MID1: variants seen among roughly 807,000 people sequenced by gnomAD.
MID1 encodes E3 ubiquitin-protein ligase Midline-1.
MID1 carries 7 observed loss-of-function variants against 40.4 expected under a neutral mutation model. That is an observed-to-expected ratio of 0.17 (90% CI 0.10 to 0.33). The LOEUF is 0.33. MID1 is among the 10% of genes least tolerant of loss of function. The pLI is 1.00. For synonymous variants in MID1, 229 were observed against 221.2 expected, an observed-to-expected ratio of 1.04 and a Z score of -0.31; for missense variants, 367 against 558.5, an observed-to-expected ratio of 0.66 and a Z score of 3.46.
chrX:10,734,236 G>A (rs769767077), intron 1 of MID1, among the ~76,000 whole-genome samples: 29 of 111,815 alleles, frequency 2.6e-4, no homozygotes, highest in African/African-American at 9.1e-4. Flanking sequence ...TGTATTTTGC[G>A]GGAACATGGA....
intron 2 of MID1, among the ~76,000 whole-genome samples, chrX:10,559,888 T>C (rs1225868604): frequency 9.2e-6 from 1 of 109,008 alleles, no homozygotes; most frequent in Non-Finnish European, 1.9e-5. Flanking sequence ...GTGGGTTTTT[T>C]TTTTTTTCTT....
chrX:10,493,717 AGAT>A (rs1290513064), intron 4 of MID1, among the ~76,000 whole-genome samples: 1 of 112,403 alleles, frequency 8.9e-6, no homozygotes, highest in African/African-American at 3.2e-5. Context: ...AAAGGCTTTG[AGAT>A]GATGGATATG....
At chrX:10,660,946 G>C (rs1454280550) in intron 1 of MID1, among the ~76,000 whole-genome samples, 1 of 111,525 alleles carries the variant, frequency 9.0e-6, no homozygotes, top group Admixed American at 9.6e-5. Flanking sequence ...TTTTGAAGTG[G>C]AGCTTATTAG....
chrX:10,567,629 T>C (rs1934605847), intron 1 of MID1, 26 bp from the exon 2 acceptor site: 1 of 1,108,578 alleles, frequency 9.0e-7, no homozygotes, highest in Non-Finnish European at 1.2e-6. Context: ...TAAGATTTGA[T>C]TAGGCACAGG....
At chrX:10,716,897 C>G (rs967454933) in intron 1 of MID1, among the ~76,000 whole-genome samples, 19 of 111,669 alleles carry the variant, frequency 1.7e-4, no homozygotes, top group Non-Finnish European at 3.4e-4. Flanking sequence ...ATTCAACATT[C>G]TTAAAGAAAA....
At position 10,467,437 on chromosome X, in the gene MID1, C is replaced by T. The variant is rs778867345; in HGVS notation, c.1285+2260G>A. On this transcript the variant is annotated intron_variant, in intron 7 of 9. Coordinates refer to ENST00000317552, the MANE Select transcript of MID1 (RefSeq NM_000381.4). ...AAAGCACTTCAAATATCTGAGGACA[C>T]TGATGATTTTTTCCCAGGAAAATGG... 1.2e-4 allele frequency among the ~76,000 whole-genome samples: 14 copies of T among 112,106 alleles called. No individual in the cohort carries two copies. The South Asian group carries it at 4.8e-3, about 39-fold the overall frequency.
At chrX:10,780,114 G>C (rs61695803) in intron 1 of MID1, among the ~76,000 whole-genome samples, 4,788 of 109,820 alleles carry the variant, frequency 0.044, 234 homozygotes, top group African/African-American at 0.15. Flanking sequence ...TACAGGTGCA[G>C]GCCACCACGC....
At position 10,743,368 on chromosome X, in the gene MID1, G is replaced by A. The variant is rs777525212; in HGVS notation, c.-187+90186C>T. On this transcript the variant is annotated intron_variant, in intron 1 of 10. Coordinates refer to the MID1 transcript ENST00000380785. ...GGCCAAAGATAAATACGAAACGGCG[G>A]CATTAAAAATGCAAAACAAAAGCAA... Among the ~76,000 whole-genome samples, 4 of 112,367 alleles carry A rather than the reference G, an allele frequency of 3.6e-5. No homozygotes were observed. In the South Asian group the frequency reaches 1.5e-3, roughly 41 times the overall value.
At chrX:10,472,352 C>T (rs190914406) in intron 6 of MID1, among the ~76,000 whole-genome samples, 1 of 112,358 alleles carries the variant, frequency 8.9e-6, no homozygotes, top group East Asian at 2.8e-4. Flanking sequence ...AAACAGCCAT[C>T]GGGATGAAAT....
At position 10,521,239 on chromosome X, in the gene MID1, A is replaced by G. The variant is rs184541853; in HGVS notation, c.756+1853T>C. ...ATGAGGGATCTGCCCCCATGACCCA[A>G]ACACCTCCCACCAAGCCCCACCTCC... On this transcript the variant is annotated intron_variant, in intron 3 of 9. Coordinates refer to ENST00000317552, the MANE Select transcript of MID1 (RefSeq NM_000381.4). 9.1e-4 allele frequency among the ~76,000 whole-genome samples: 101 copies of G among 110,632 alleles called. 1 individual carries two copies. Among genetic ancestry groups the G allele is most frequent in the Admixed American group, 4.9e-3 (51 of 10,436 alleles).
chrX:10,704,998 G>A (rs1434984785), intron 1 of MID1, among the ~76,000 whole-genome samples: 2 of 110,362 alleles, frequency 1.8e-5, no homozygotes, highest in Non-Finnish European at 1.9e-5. Context: ...TCCTGACCTC[G>A]TGATCCACCT....
chrX:10,661,126 T>C (rs1408591889), intron 1 of MID1, among the ~76,000 whole-genome samples: 1 of 111,367 alleles, frequency 9.0e-6, no homozygotes, highest in African/African-American at 3.3e-5. Context: ...GATGTGATAA[T>C]TTGTAGTCCA....
At chrX:10,731,966 CAAAAA>C (rs754605735) in intron 1 of MID1, among the ~76,000 whole-genome samples, 5 of 26,650 alleles carry the variant, frequency 1.9e-4, no homozygotes, top group African/African-American at 4.8e-4. Context: ...GAATCTATCA[CAAAAA>C]AAAAAAAAAA....
intron 1 of MID1, among the ~76,000 whole-genome samples, chrX:10,728,439 C>G (rs1272146570): frequency 8.9e-6 from 1 of 111,893 alleles, no homozygotes; most frequent in Non-Finnish European, 1.9e-5. Context: ...GCTCCTTTTC[C>G]CCCGCTCCTG....
chrX:10,748,830 G>A (rs1487025661), intron 1 of MID1, among the ~76,000 whole-genome samples: 1 of 111,264 alleles, frequency 9.0e-6, no homozygotes, highest in Non-Finnish European at 1.9e-5. Context: ...CTGTGCCAGG[G>A]AAACCTAGGA....
chrX:10,730,002 T>C (rs1251867640), intron 1 of MID1, among the ~76,000 whole-genome samples: 2 of 107,782 alleles, frequency 1.9e-5, no homozygotes, highest in East Asian at 5.8e-4. Flanking sequence ...GAGAATGGCG[T>C]GAACCTGGTA....
At chrX:10,495,409 G>T (rs1226179518) in intron 4 of MID1, among the ~76,000 whole-genome samples, 175 bp downstream of exon 4, 1 of 111,216 alleles carries the variant, frequency 9.0e-6, no homozygotes, top group Non-Finnish European at 1.9e-5. Flanking sequence ...ACAAAGAAAA[G>T]GATGGAGAAA....
At chrX:10,514,431 C>T (rs1932301795) in intron 3 of MID1, among the ~76,000 whole-genome samples, 1 of 111,762 alleles carries the variant, frequency 8.9e-6, no homozygotes, top group African/African-American at 3.3e-5. Flanking sequence ...AAGAAAGAAA[C>T]AGGATCCAAT....
In MID1 at chrX:10,564,442, G is replaced by C. The variant is rs779996095; in HGVS notation, c.660+2446C>G. Among the ~76,000 whole-genome samples the C allele has an allele frequency of 8.0e-5, 9 of 112,250 alleles. No individual in the cohort carries two copies. In the East Asian group the frequency reaches 2.2e-3, roughly 28 times the overall value. On this transcript the variant is annotated intron_variant, in intron 2 of 9. Coordinates refer to ENST00000317552, the MANE Select transcript of MID1 (RefSeq NM_000381.4). Reference sequence around the variant, plus strand: ...TAAAACAAACATGCTATGTCGATAAGTTATTTGTTCAAATGCTCATAAGTA... The same window carrying C: ...TAAAACAAACATGCTATGTCGATAACTTATTTGTTCAAATGCTCATAAGTA...
Sources: allele counts gnomAD v4.1 joint callset (sites outside exome capture counted in the v4.1 genomes callset), GRCh38; gene constraint gnomAD v4.1.1; transcripts MANE v1.5; gene names NCBI Gene and HGNC (gene_info 2026-07-23, HGNC 2026-07-21).